Variants in LRRD1 observed in about 807,000 individuals in gnomAD.
LRRD1 encodes the protein leucine-rich repeat and death domain-containing protein 1.
A neutral mutation model predicts 69.5 loss-of-function variants in LRRD1; 49 were observed. The observed-to-expected ratio is 0.70, with a 90% confidence interval of 0.56 to 0.89. LRRD1 has a LOEUF of 0.89. LRRD1 is among the 40% of genes least tolerant of loss of function. The pLI, the probability that LRRD1 is intolerant of heterozygous loss-of-function variation, is 0.00. For missense variants in LRRD1, 853 were observed against 956.0 expected, an observed-to-expected ratio of 0.89 and a Z score of 1.42; for synonymous variants, 303 against 338.9, an observed-to-expected ratio of 0.89 and a Z score of 1.16.
intron 1 of LRRD1, among the ~76,000 whole-genome samples, chr7:92,173,589 T>C (rs1284346559): frequency 1.3e-5 from 2 of 152,224 alleles, no homozygotes; most frequent in African/African-American, 2.4e-5. Context: ...ATGCTCACCA[T>C]CACTAATCAT....
In LRRD1 at chr7:92,165,098, T is replaced by A. The variant is rs747306651; in HGVS notation, c.105A>T (p.Glu35Asp). The A allele has an allele frequency of 6.4e-7, 1 of 1,551,582 alleles. No individual in the cohort carries two copies. The highest frequency in any genetic ancestry group is 1.2e-5 in the South Asian group (1 of 84,054). ...AAGCTTCGTTTATCAAATTTGATGTTTCTTTAATAAAGCCAGGCTCCTTCA... is the reference window on the plus strand; with the variant it reads ...AAGCTTCGTTTATCAAATTTGATGTATCTTTAATAAAGCCAGGCTCCTTCA... ...QSMKEPGFIK[E>D]TSNLINEASD... The change falls in exon 2 of 6, where the codon GAA becomes GAT. Residue 35 changes from glutamate (E) to aspartate (D), a missense_variant. Physicochemically the swap from Glu to Asp is conservative, Grantham distance 45. Around this residue, in one of 3 missense-constraint regions of LRRD1, gnomAD observed 99 missense variants for 107.0 expected, o/e 0.92. Coordinates refer to ENST00000458448, the MANE Select transcript of LRRD1 (RefSeq NM_001161528.2).
intron 3 of LRRD1, among the ~76,000 whole-genome samples, chr7:92,158,639 G>A (rs1429969204): frequency 6.6e-6 from 1 of 152,174 alleles, no homozygotes; most frequent in Non-Finnish European, 1.5e-5. Flanking sequence ...GGGTATAGGA[G>A]AAGTATCAGG....
chr7:92,174,004 G>A (rs925775341), intron 1 of LRRD1, among the ~76,000 whole-genome samples: 4 of 152,036 alleles, frequency 2.6e-5, no homozygotes, highest in Non-Finnish European at 5.9e-5. Context: ...CCATAAGAAA[G>A]AATAAAATCC....
Position 92,163,295 on chromosome 7 carries a change from T to TA in LRRD1, c.1907_1908insT (p.Lys636AsnfsTer14), listed in dbSNP as rs1788826487. On this transcript the variant is annotated frameshift_variant, in exon 2 of 6. Transcript: ENST00000458448. LOFTEE classifies it high-confidence loss of function. The stretch of plus-strand genomic sequence containing the variant: ...AATACCAGTCTCTTACCTTTCTCCC[T>TA]TTTATCTGACTTATATTCAGCTGTT... The TA allele has an allele frequency of 1.4e-6, 2 of 1,463,360 alleles. No homozygotes were observed. The highest frequency in any genetic ancestry group is 9.0e-7 in the Non-Finnish European group (1 of 1,108,294). The allele number at this position is 1,463,360 out of a possible 1,614,324, so 90.6% of individuals were successfully genotyped here.
At chr7:92,156,218 A>C (rs1036151457) in intron 3 of LRRD1, among the ~76,000 whole-genome samples, 4 of 152,268 alleles carry the variant, frequency 2.6e-5, no homozygotes, top group African/African-American at 9.6e-5. Flanking sequence ...ATAGTTTTGC[A>C]TAAGTCTTGA....
At chr7:92,149,753 A>G (rs929908887) in intron 4 of LRRD1, among the ~76,000 whole-genome samples, 1 of 152,130 alleles carries the variant, frequency 6.6e-6, no homozygotes, top group Admixed American at 6.5e-5. Context: ...GTCACACACT[A>G]TGTTGCCCAG....
intron 1 of LRRD1, among the ~76,000 whole-genome samples, chr7:92,166,287 G>T (rs1162605170): frequency 6.6e-6 from 1 of 152,170 alleles, no homozygotes; most frequent in Non-Finnish European, 1.5e-5. Context: ...CTATCTCTGT[G>T]TTGCTGCAGT....
chr7:92,149,348 G>T (rs1820410244), intron 4 of LRRD1, among the ~76,000 whole-genome samples: 1 of 152,142 alleles, frequency 6.6e-6, no homozygotes, highest in Non-Finnish European at 1.5e-5. Flanking sequence ...CCCAAATCTG[G>T]ATCATAACTG....
rs1172219606 is a variant in LRRD1, at chr7:92,164,897, T to G, written c.306A>C (p.Ser102=). The G allele has an allele frequency of 6.4e-7, 1 of 1,551,450 alleles. No homozygotes were observed. The highest frequency in any genetic ancestry group is 1.4e-5 in the African/African-American group (1 of 73,024). ...TRTGTSQSLS[S]LTGRTAEYQA... is the part of the protein sequence containing the mutation. ...GATATTCTGCAGTCCTCCCAGTTAGTGATGATAAACTCTGTGAAGTTCCTG... is the reference window on the plus strand; with the variant it reads ...GATATTCTGCAGTCCTCCCAGTTAGGGATGATAAACTCTGTGAAGTTCCTG... Residue 102 remains serine, a synonymous_variant, in exon 2 of 6, where the codon TCA becomes TCC. Coordinates refer to ENST00000458448, the MANE Select transcript of LRRD1 (RefSeq NM_001161528.2).
intron 1 of LRRD1, among the ~76,000 whole-genome samples, chr7:92,176,961 T>TAA (rs201459895): frequency 2.0e-4 from 30 of 148,338 alleles, no homozygotes; most frequent in African/African-American, 6.4e-4. Flanking sequence ...TATATATATA[T>TAA]AAAACAAGAA....
Position 92,154,221 on chromosome 7 carries a change from C to A in LRRD1, c.2117-3526G>T, listed in dbSNP as rs1788596031. Among the ~76,000 whole-genome samples, 4 of 151,992 alleles carry A rather than the reference C, an allele frequency of 2.6e-5. No individual in the cohort carries two copies. In the South Asian group the frequency reaches 8.3e-4, roughly 32 times the overall value. ...AATTTCAGTGTTGTATATAAGAAATCCTTGCCAAAGTTTTGATTTTTTTCA... is the reference window on the plus strand; with the variant it reads ...AATTTCAGTGTTGTATATAAGAAATACTTGCCAAAGTTTTGATTTTTTTCA... On this transcript the variant is annotated intron_variant, in intron 3 of 5. Coordinates refer to ENST00000458448, the MANE Select transcript of LRRD1 (RefSeq NM_001161528.2).
intron 3 of LRRD1, among the ~76,000 whole-genome samples, chr7:92,151,958 A>C (rs1820479152): frequency 6.6e-6 from 1 of 151,332 alleles, no homozygotes; most frequent in Admixed American, 6.6e-5. Flanking sequence ...TCAAAAAAAA[A>C]AAAAAAGAAG....
At chr7:92,154,936 C>T (rs1174503381) in intron 3 of LRRD1, among the ~76,000 whole-genome samples, 2 of 152,172 alleles carry the variant, frequency 1.3e-5, no homozygotes, top group African/African-American at 4.8e-5. Flanking sequence ...AATTTAATGC[C>T]TTTTCCTTCT....
rs1433627741 is a variant in LRRD1, at chr7:92,164,856, A to G, written c.347T>C (p.Phe116Ser). 25 of 1,551,510 alleles carry G rather than the reference A, an allele frequency of 1.6e-5. No homozygotes were observed. The highest frequency in any genetic ancestry group is 2.1e-5 in the Non-Finnish European group (24 of 1,146,926). Residue 116 changes from phenylalanine to serine, a missense_variant, in exon 2 of 6, where the codon TTC becomes TCC. Phe to Ser is a radical substitution (Grantham distance 155). Transcript: ENST00000458448. Reference sequence around the variant, plus strand: ...TTCTCCTACTGTTTCATGAGATAGGAAGTTAACCAAAGCCTGATATTCTGC... The same window carrying G: ...TTCTCCTACTGTTTCATGAGATAGGGAGTTAACCAAAGCCTGATATTCTGC... ...RTAEYQALVN[F>S]LSHETVGEVS... is the part of the protein sequence containing the mutation.
chr7:92,159,851 C>T (rs1788760670), intron 2 of LRRD1, among the ~76,000 whole-genome samples: 2 of 152,036 alleles, frequency 1.3e-5, no homozygotes, highest in African/African-American at 4.8e-5. Flanking sequence ...GAACTCCTGA[C>T]ATCAGGCGAT....
intron 2 of LRRD1, 106 bp from the exon 3 acceptor site, chr7:92,159,309 G>A (rs891019198): frequency 3.7e-6 from 3 of 816,346 alleles, no homozygotes; most frequent in East Asian, 3.2e-5. Flanking sequence ...TTTTGTTTTT[G>A]TCTTAAAAAG....
At chr7:92,152,609 A>T (rs557109995) in intron 3 of LRRD1, among the ~76,000 whole-genome samples, 41 of 152,076 alleles carry the variant, frequency 2.7e-4, no homozygotes, top group Admixed American at 6.6e-4. Flanking sequence ...TCATCAGTGT[A>T]TCAGAGTTTC....
intron 1 of LRRD1, among the ~76,000 whole-genome samples, chr7:92,171,798 C>T (rs906112763): frequency 6.6e-6 from 1 of 152,174 alleles, no homozygotes; most frequent in Non-Finnish European, 1.5e-5. Context: ...TTCATCAACA[C>T]ATTAGGAAGA....
downstream of LRRD1, among the ~76,000 whole-genome samples, chr7:92,143,815 T>C (rs1312128231): frequency 2.6e-5 from 4 of 152,196 alleles, no homozygotes; most frequent in African/African-American, 7.2e-5. Flanking sequence ...TGCCGCCAAA[T>C]TGGGAGCCCA....
Sources: gnomAD v4.1 joint callset for allele counts (sites outside exome capture counted in the v4.1 genomes callset) on GRCh38, gnomAD v4.1.1 for gene constraint, gnomAD v4.1.1 regional missense constraint, MANE v1.5 for transcripts, NCBI Gene and HGNC (gene_info 2026-07-23, HGNC 2026-07-21) for gene names.